Variants in RNF144A observed in about 807,000 individuals in gnomAD.
The protein encoded by RNF144A is ring finger protein 144A, also known as E3 ubiquitin-protein ligase RNF144A.
In RNF144A, 11 loss-of-function variants were observed where a neutral mutation model predicts 38.7. That is an observed-to-expected ratio of 0.28 (90% CI 0.18 to 0.47). The LOEUF (loss-of-function observed/expected upper bound fraction) is 0.47. RNF144A is among the 20% of genes least tolerant of loss of function. RNF144A has a pLI of 0.99. For synonymous variants in RNF144A, 149 were observed against 143.9 expected, an observed-to-expected ratio of 1.04 and a Z score of -0.25; for missense variants, 316 against 377.2, an observed-to-expected ratio of 0.84 and a Z score of 1.34.
intron 8 of RNF144A, among the ~76,000 whole-genome samples, chr2:7,034,182 A>G (rs1672510245): frequency 6.6e-6 from 1 of 151,826 alleles, no homozygotes; most frequent in Non-Finnish European, 1.5e-5. Flanking sequence ...GACACCTAAT[A>G]GTTCTTCCTT....
At chr2:6,925,594 C>T (rs1664806054) in intron 1 of RNF144A, among the ~76,000 whole-genome samples, 2 of 152,088 alleles carry the variant, frequency 1.3e-5, no homozygotes, top group Non-Finnish European at 2.9e-5. Flanking sequence ...GTGGGCAAGC[C>T]GCAGGTAAAG....
intron 1 of RNF144A, among the ~76,000 whole-genome samples, chr2:6,929,007 C>T (rs1665053620): frequency 6.6e-6 from 1 of 152,124 alleles, no homozygotes; most frequent in South Asian, 2.1e-4. Context: ...TCCCTAGACA[C>T]AGCAGACTTG....
chr2:7,057,140 T>C (rs573743564), intron 6 of RNF144A, among the ~76,000 whole-genome samples: 1 of 152,348 alleles, frequency 6.6e-6, no homozygotes, highest in South Asian at 2.1e-4. Flanking sequence ...TTTAAAGCTG[T>C]CATGCTCTGT....
chr2:6,964,532 G>T (rs1463285418), intron 2 of RNF144A, among the ~76,000 whole-genome samples: 1 of 152,178 alleles, frequency 6.6e-6, no homozygotes, highest in Admixed American at 6.5e-5. Context: ...TATGTTTATT[G>T]TGGCACTATT....
At chr2:7,021,625 G>C (rs1671539620) in intron 6 of RNF144A, among the ~76,000 whole-genome samples, 1 of 152,204 alleles carries the variant, frequency 6.6e-6, no homozygotes, top group African/African-American at 2.4e-5. Context: ...GGACAGGGTT[G>C]GGGCCTCCAC....
chr2:6,960,097 A>G (rs558622431), intron 2 of RNF144A, among the ~76,000 whole-genome samples: 1 of 152,382 alleles, frequency 6.6e-6, no homozygotes, highest in African/African-American at 2.4e-5. Flanking sequence ...AGTATCCAGG[A>G]GGATATTTCA....
intron 2 of RNF144A, among the ~76,000 whole-genome samples, chr2:6,981,308 G>A (rs767816175): frequency 2.0e-5 from 3 of 151,926 alleles, no homozygotes; most frequent in African/African-American, 4.8e-5. Flanking sequence ...TGGTCAGGCT[G>A]CAAATTTTCT....
intron 3 of RNF144A, among the ~76,000 whole-genome samples, chr2:7,013,241 C>G (rs1335568630): frequency 1.3e-5 from 2 of 152,094 alleles, no homozygotes; most frequent in African/African-American, 4.8e-5. Flanking sequence ...GTAGGTTAAA[C>G]CACCCTAAAT....
intron 2 of RNF144A, among the ~76,000 whole-genome samples, chr2:6,984,582 G>A (rs991221255): frequency 2.0e-5 from 3 of 152,226 alleles, no homozygotes; most frequent in Non-Finnish European, 2.9e-5. Flanking sequence ...AATTACAGGC[G>A]TGAGCCACCG....
chr2:7,047,270 G>A (rs908958060), downstream of RNF144A, among the ~76,000 whole-genome samples: 1 of 152,158 alleles, frequency 6.6e-6, no homozygotes, highest in African/African-American at 2.4e-5. Flanking sequence ...GTGTGTCTAT[G>A]TGTGTGACTG....
intron 8 of RNF144A, among the ~76,000 whole-genome samples, chr2:7,031,623 T>A (rs1672306471): frequency 6.6e-6 from 1 of 152,224 alleles, no homozygotes; most frequent in Non-Finnish European, 1.5e-5. Context: ...CAGGAGAGCC[T>A]CTGAGGCACA....
At chr2:6,983,535 G>A (rs751841134) in intron 2 of RNF144A, among the ~76,000 whole-genome samples, 10 of 152,152 alleles carry the variant, frequency 6.6e-5, no homozygotes, top group Non-Finnish European at 1.3e-4. Flanking sequence ...ATGCTAGAGC[G>A]CTACTTATTC....
intron 3 of RNF144A, among the ~76,000 whole-genome samples, chr2:7,006,510 C>T (rs1341688078): frequency 6.6e-6 from 1 of 152,004 alleles, no homozygotes; most frequent in Non-Finnish European, 1.5e-5. Context: ...GGCCCTGTGA[C>T]TCCTGCCTCC....
In RNF144A at chr2:6,962,747, A is replaced by G. The variant is rs140725176; in HGVS notation, c.-12+21600A>G. 1.3e-5 allele frequency among the ~76,000 whole-genome samples: 2 copies of G among 152,186 alleles called. No individual in the cohort carries two copies. The highest frequency in any genetic ancestry group is 2.4e-5 in the African/African-American group (1 of 41,446). Reference sequence around the variant, plus strand: ...GCACTTGTCTTATTTTATTCATCACAGCATAAACTTCCAGAGGCAGGGCAA... The same window carrying G: ...GCACTTGTCTTATTTTATTCATCACGGCATAAACTTCCAGAGGCAGGGCAA... On this transcript the variant is annotated intron_variant, in intron 2 of 8. Transcript: ENST00000320892. The surrounding 1 kb of genome is among the most constrained non-coding windows in gnomAD (Gnocchi z 4.1).
At chr2:6,961,479 C>A (rs906001805) in intron 2 of RNF144A, among the ~76,000 whole-genome samples, 2 of 152,008 alleles carry the variant, frequency 1.3e-5, no homozygotes, top group African/African-American at 4.8e-5. Flanking sequence ...TGAGTGGAGT[C>A]CCTGCGATCC....
chr2:6,919,137 A>G (rs1664366848), intron 1 of RNF144A, among the ~76,000 whole-genome samples: 1 of 152,102 alleles, frequency 6.6e-6, no homozygotes, highest in South Asian at 2.1e-4. Context: ...TGTCCCTGCA[A>G]AGGGAGTCCC....
chr2:6,997,123 T>G (rs1558417547), intron 3 of RNF144A, 62 bp downstream of exon 3: 4 of 1,553,530 alleles, frequency 2.6e-6, no homozygotes, highest in Non-Finnish European at 3.6e-6. Flanking sequence ...TTGCTTTCAT[T>G]TGCAGAGACA....
At chr2:7,013,769 A>G (rs1670967423) in intron 3 of RNF144A, among the ~76,000 whole-genome samples, 2 of 152,194 alleles carry the variant, frequency 1.3e-5, no homozygotes, top group Non-Finnish European at 2.9e-5. Context: ...ACTCTACTTC[A>G]TGTCCTTCAC....
intron 6 of RNF144A, among the ~76,000 whole-genome samples, chr2:7,063,423 C>T (rs1674057239): frequency 6.6e-6 from 1 of 152,090 alleles, no homozygotes; most frequent in African/African-American, 2.4e-5. Flanking sequence ...ACAGACAGGT[C>T]GAGCTTGATT....
Sources: allele counts gnomAD v4.1 joint callset (sites outside exome capture counted in the v4.1 genomes callset), GRCh38; gene constraint gnomAD v4.1.1; non-coding constraint Gnocchi (gnomAD v3.1); transcripts MANE v1.5; gene names NCBI Gene and HGNC (gene_info 2026-07-23, HGNC 2026-07-21).